Variants in CDH13 observed in about 807,000 individuals in gnomAD.
The protein encoded by CDH13 is cadherin-13.
A neutral mutation model predicts 63.8 loss-of-function variants in CDH13; 24 were observed. That is an observed-to-expected ratio of 0.38 (90% confidence interval 0.27 to 0.53). CDH13 has a LOEUF of 0.53. Ranked by LOEUF, CDH13 falls within the 20% of genes least tolerant of loss-of-function variation. The pLI is 0.85. For missense variants in CDH13, 1,049 were observed against 903.1 expected (o/e 1.16, Z -2.07); for synonymous variants, 503 against 355.3 (o/e 1.42, Z -4.67).
At chr16:83,191,498 T>TGCAC (rs1316291638) in intron 4 of CDH13, among the ~76,000 whole-genome samples, 3 of 72,112 alleles carry the variant, frequency 4.2e-5, no homozygotes, top group African/African-American at 1.7e-4. Flanking sequence ...TGCACATATA[T>TGCAC]ATATATACAC....
intron 10 of CDH13, chr16:83,726,009 C>T (rs955998133): frequency 6.6e-6 from 1 of 152,214 alleles, no homozygotes; most frequent in African/African-American, 2.4e-5. Flanking sequence ...AGCATTCTTT[C>T]CTGACTTTAT....
chr16:82,981,488 C>T (rs1426710346), intron 2 of CDH13, among the ~76,000 whole-genome samples: 2 of 152,112 alleles, frequency 1.3e-5, no homozygotes, highest in Non-Finnish European at 2.9e-5. Flanking sequence ...GCCCCCTCTG[C>T]TCTCCTCCTG....
At chr16:83,028,045 C>T (rs566062742) in intron 2 of CDH13, among the ~76,000 whole-genome samples, 1 of 152,074 alleles carries the variant, frequency 6.6e-6, no homozygotes, top group African/African-American at 2.4e-5. Flanking sequence ...ATCCAGAACC[C>T]CCACAAACTT....
intron 1 of CDH13, among the ~76,000 whole-genome samples, chr16:82,677,691 G>C (rs1560735): frequency 0.82 from 125,411 of 152,034 alleles, 51,872 homozygotes; most frequent in East Asian, 1. Context: ...ACTATAAGGT[G>C]TACAATAGCA....
chr16:82,667,129 T>G (rs1437952713), intron 1 of CDH13, among the ~76,000 whole-genome samples: 2 of 152,210 alleles, frequency 1.3e-5, no homozygotes, highest in East Asian at 1.9e-4. Flanking sequence ...GCCAGCTTAT[T>G]CACATCGCCT....
At chr16:83,039,917 T>C (rs138557495) in intron 3 of CDH13, among the ~76,000 whole-genome samples, 114 of 152,164 alleles carry the variant, frequency 7.5e-4, no homozygotes, top group African/African-American at 2.6e-3. Flanking sequence ...TTTCCTTCTT[T>C]GGGAACAGCT....
chr16:82,888,296 G>A (rs932123893), intron 2 of CDH13, among the ~76,000 whole-genome samples: 3 of 152,216 alleles, frequency 2.0e-5, no homozygotes, highest in African/African-American at 4.8e-5. Context: ...GAGAATAAAG[G>A]CAAAAGGTTT....
intron 5 of CDH13, among the ~76,000 whole-genome samples, chr16:83,250,433 C>G (rs982560190): frequency 2.0e-5 from 3 of 152,044 alleles, no homozygotes; most frequent in African/African-American, 7.2e-5. Context: ...ACCAGAATTT[C>G]GGGGCGTGAT....
Position 82,644,080 on chromosome 16 carries a change from G to A in CDH13, c.45+16943G>A, listed in dbSNP as rs1909768500. 1.3e-5 allele frequency among the ~76,000 whole-genome samples: 2 copies of A among 152,154 alleles called. No homozygotes were observed. Among genetic ancestry groups the A allele is most frequent in the African/African-American group, 4.8e-5 (2 of 41,434 alleles). On this transcript the variant is annotated intron_variant, in intron 1 of 13. Transcript: ENST00000567109. This position sits in a 1 kb window ranked among gnomAD's most constrained non-coding sequence, Gnocchi z 5.7. Reference sequence around the variant, plus strand: ...GGGGGTGGTATGGAGGTCGGGTGGGGAGAAAGAGGAGAGAAATCTAATTGA... The same window carrying A: ...GGGGGTGGTATGGAGGTCGGGTGGGAAGAAAGAGGAGAGAAATCTAATTGA...
chr16:82,865,857 T>C (rs2040117097), intron 2 of CDH13, among the ~76,000 whole-genome samples: 1 of 152,246 alleles, frequency 6.6e-6, no homozygotes, highest in Non-Finnish European at 1.5e-5. Flanking sequence ...CAAACTTTTA[T>C]GCTGTGCTTC....
intron 3 of CDH13, among the ~76,000 whole-genome samples, chr16:83,038,497 C>T (rs950021059): frequency 1.3e-5 from 2 of 152,136 alleles, no homozygotes; most frequent in South Asian, 2.1e-4. Context: ...GTTAACCTTC[C>T]GTGCACAAAA....
chr16:83,716,645 G>C (rs60536965), intron 10 of CDH13, among the ~76,000 whole-genome samples: 3 of 151,966 alleles, frequency 2.0e-5, no homozygotes, highest in Non-Finnish European at 4.4e-5. Flanking sequence ...CACCACACCC[G>C]GTTAATTTTT....
At chr16:82,996,324 C>T (rs968601815) in intron 2 of CDH13, among the ~76,000 whole-genome samples, 1 of 152,140 alleles carries the variant, frequency 6.6e-6, no homozygotes, top group Non-Finnish European at 1.5e-5. Context: ...GACTCATCAG[C>T]TTCCTGAACT....
intron 11 of CDH13, among the ~76,000 whole-genome samples, chr16:83,752,846 G>A (rs1483853464): frequency 6.6e-6 from 1 of 152,220 alleles, no homozygotes; most frequent in Non-Finnish European, 1.5e-5. Flanking sequence ...TTCACTACAT[G>A]TTAATCCCAC....
chr16:83,706,899 A>C (rs1170627252), intron 10 of CDH13, among the ~76,000 whole-genome samples: 3 of 144,816 alleles, frequency 2.1e-5, no homozygotes, highest in African/African-American at 7.9e-5. Flanking sequence ...CCAGCATATT[A>C]AGTCCTGGGT....
chr16:82,905,871 G>C (rs539115616), intron 2 of CDH13, among the ~76,000 whole-genome samples: 2 of 152,260 alleles, frequency 1.3e-5, no homozygotes, highest in Admixed American at 1.3e-4. Context: ...CATGGCTACT[G>C]GCTACAGCAT....
intron 4 of CDH13, chr16:83,180,978 A>C: frequency 6.5e-7 from 1 of 1,531,684 alleles, no homozygotes; most frequent in Non-Finnish European, 8.7e-7. Context: ...CTATTTGGCG[A>C]CATTATTGCT....
intron 2 of CDH13, among the ~76,000 whole-genome samples, chr16:82,939,927 C>G (rs764941557): frequency 9.2e-5 from 14 of 152,162 alleles, no homozygotes; most frequent in Non-Finnish European, 1.5e-4. Context: ...GTTTGATGGA[C>G]TCACAGCCCT....
At chr16:83,664,655 T>G (rs1041096181) in intron 8 of CDH13, among the ~76,000 whole-genome samples, 1 of 152,120 alleles carries the variant, frequency 6.6e-6, no homozygotes, top group African/African-American at 2.4e-5. Flanking sequence ...ATTTCACATT[T>G]TGTGTATGGT....
Sources: gnomAD v4.1 joint callset for allele counts (sites outside exome capture counted in the v4.1 genomes callset) on GRCh38, gnomAD v4.1.1 for gene constraint, Gnocchi (gnomAD v3.1) non-coding constraint, MANE v1.5 for transcripts, NCBI Gene and HGNC (gene_info 2026-07-23, HGNC 2026-07-21) for gene names.